ACOT7: variants seen among roughly 807,000 people sequenced by gnomAD.
ACOT7 encodes cytosolic acyl coenzyme A thioester hydrolase.
ACOT7 carries 12 observed loss-of-function variants against 40.2 expected under a neutral mutation model. The ratio of observed to expected loss-of-function variants is 0.30; its 90% CI spans 0.19 to 0.48. The LOEUF (loss-of-function observed/expected upper bound fraction) is 0.48. Ranked by LOEUF, ACOT7 falls within the 20% of genes least tolerant of loss-of-function variation. ACOT7 has a pLI of 0.99. For missense variants in ACOT7, 395 were observed against 530.8 expected (o/e 0.74, Z 2.51); for synonymous variants, 228 against 219.5 (o/e 1.04, Z -0.34).
chr1:6,280,114 C>T (rs1383646127), intron 8 of ACOT7, among the ~76,000 whole-genome samples: 2 of 152,220 alleles, frequency 1.3e-5, no homozygotes, highest in Non-Finnish European at 2.9e-5. Context: ...GGCCGTGGTG[C>T]CTGCCTGGCC....
chr1:6,358,353 C>T lies in ACOT7; in HGVS notation c.144-8487G>A, dbSNP rs1450379026. 2.6e-5 allele frequency among the ~76,000 whole-genome samples: 4 copies of T among 152,152 alleles called. No homozygotes were observed. The highest frequency in any genetic ancestry group is 7.2e-5 in the African/African-American group (3 of 41,438). ...AAGAGGCCAACAATGGCCCTGAGCT[C>T]CCAGCCTCCATTTTGGCCAGGGGCA... On this transcript the variant is annotated intron_variant, in intron 1 of 8. Transcript: ENST00000361521. The surrounding 1 kb of genome is among the most constrained non-coding windows in gnomAD (Gnocchi z 4.1).
intron 7 of ACOT7, among the ~76,000 whole-genome samples, chr1:6,284,856 C>T (rs933726224): frequency 5.9e-5 from 9 of 152,248 alleles, no homozygotes; most frequent in Non-Finnish European, 1.3e-4. Context: ...AAGCTCCTGG[C>T]CCCCGTGGTC....
chr1:6,335,981 A>G (rs1641090031), intron 3 of ACOT7, among the ~76,000 whole-genome samples: 1 of 152,206 alleles, frequency 6.6e-6, no homozygotes, highest in Non-Finnish European at 1.5e-5. Flanking sequence ...CATGGAGCAA[A>G]TGAGGCAAAC....
intron 3 of ACOT7, among the ~76,000 whole-genome samples, 184 bp downstream of exon 3, chr1:6,339,249 C>T (rs1225967111): frequency 6.6e-6 from 1 of 152,204 alleles, no homozygotes; most frequent in Non-Finnish European, 1.5e-5. Flanking sequence ...CCTCTGTGCC[C>T]CTTTCCTGTC....
chr1:6,385,798 GCTC>G, intron 1 of ACOT7: 1 of 1,429,080 alleles, frequency 7.0e-7, no homozygotes, highest in South Asian at 1.5e-5. Context: ...CCAGGCTCCT[GCTC>G]CTCCTAGGAC....
At position 6,301,925 on chromosome 1, in the gene ACOT7, C is replaced by T. The variant is rs1019131965; in HGVS notation, c.713-6945G>A. On this transcript the variant is annotated intron_variant, in intron 6 of 8. Coordinates refer to ENST00000361521, the MANE Select transcript of ACOT7 (RefSeq NM_007274.4). This position sits in a 1 kb window ranked among gnomAD's most constrained non-coding sequence, Gnocchi z 4.1. ...ACACACGCACCGGCCTGGGAAACCA[C>T]GCAGAGTTTAGATCAGCGGCAGACC... Among the ~76,000 whole-genome samples, 1 of 152,198 alleles carries T rather than the reference C, an allele frequency of 6.6e-6. No individual in the cohort carries two copies. The highest frequency in any genetic ancestry group is 1.5e-5 in the Non-Finnish European group (1 of 68,042).
chr1:6,382,069 C>T (rs1375209671), intron 1 of ACOT7, among the ~76,000 whole-genome samples: 6 of 147,896 alleles, frequency 4.1e-5, no homozygotes, highest in African/African-American at 1.3e-4. Flanking sequence ...ACCCGGGAGG[C>T]GGAGCTTGCA....
Position 6,302,709 on chromosome 1 carries a change from C to T in ACOT7, c.713-7729G>A, listed in dbSNP as rs563888744. Among the ~76,000 whole-genome samples the T allele has an allele frequency of 4.6e-5, 7 of 152,116 alleles. No homozygotes were observed. The East Asian group carries it at 5.8e-4, about 13-fold the overall frequency. ...CTGTTGATCACAAGCCCTCTCCTAC[C>T]GGCGAGACACAACCCTGGGCATCCT... On this transcript the variant is annotated intron_variant, in intron 6 of 8. Coordinates refer to ENST00000361521, the MANE Select transcript of ACOT7 (RefSeq NM_007274.4).
intron 6 of ACOT7, among the ~76,000 whole-genome samples, chr1:6,314,780 TC>T (rs1640435723): frequency 6.6e-6 from 1 of 151,622 alleles, no homozygotes; most frequent in Non-Finnish European, 1.5e-5. Flanking sequence ...CCAACCCTCC[TC>T]CCGCATGGGA....
intron 1 of ACOT7, among the ~76,000 whole-genome samples, 162 bp downstream of exon 1, chr1:6,393,095 C>CCGGCCGGGCGGG (rs1378216577): frequency 5.3e-5 from 8 of 150,726 alleles, no homozygotes; most frequent in African/African-American, 1.9e-4. Flanking sequence ...GAGTCGCATC[C>CCGGCCGGGCGGG]CGGCCGGGCG....
At chr1:6,349,333 T>C (rs1641521126) in intron 2 of ACOT7, among the ~76,000 whole-genome samples, 3 of 152,208 alleles carry the variant, frequency 2.0e-5, no homozygotes, top group Non-Finnish European at 2.9e-5. Context: ...TATGGTGCCA[T>C]GGCCACCAGG....
chr1:6,335,500 T>C (rs978954776), intron 3 of ACOT7, among the ~76,000 whole-genome samples: 3 of 151,734 alleles, frequency 2.0e-5, no homozygotes, highest in Non-Finnish European at 4.4e-5. Flanking sequence ...CTTAAAAAAA[T>C]AAATAAAAGT....
At chr1:6,318,411 G>T in intron 6 of ACOT7, 81 bp downstream of exon 6, 1 of 1,453,576 alleles carries the variant, frequency 6.9e-7, no homozygotes, top group African/African-American at 1.4e-5. Flanking sequence ...CCTCAAGTGT[G>T]TCAGACAGCA....
chr1:6,342,222 G>A (rs951544181), intron 2 of ACOT7, among the ~76,000 whole-genome samples: 1 of 152,160 alleles, frequency 6.6e-6, no homozygotes, highest in Non-Finnish European at 1.5e-5. Flanking sequence ...GTGTCCTCAC[G>A]TGGTGGCCGG....
chr1:6,327,272 C>G, intron 5 of ACOT7, 27 bp downstream of exon 5: 1 of 1,611,378 alleles, frequency 6.2e-7, no homozygotes, highest in Non-Finnish European at 8.5e-7. Context: ...AGGAGTGGCA[C>G]CTGCTGCTGG....
In ACOT7 at chr1:6,311,559, G is replaced by A. The variant is rs772469608; in HGVS notation, c.712+6933C>T. ...GGTATCTCAACTCCCTCCGTCCCCA[G>A]CTATTGGGGTCTCTTGTGGTATAAT... On this transcript the variant is annotated intron_variant, in intron 6 of 8. Transcript: ENST00000361521. This position sits in a 1 kb window ranked among gnomAD's most constrained non-coding sequence, Gnocchi z 5.2. Among the ~76,000 whole-genome samples, 1 of 152,172 alleles carries A rather than the reference G, an allele frequency of 6.6e-6. No individual in the cohort carries two copies. Among genetic ancestry groups the A allele is most frequent in the Non-Finnish European group, 1.5e-5 (1 of 68,026 alleles).
At chr1:6,337,806 C>A (rs1232073551) in intron 3 of ACOT7, among the ~76,000 whole-genome samples, 1 of 152,044 alleles carries the variant, frequency 6.6e-6, no homozygotes, top group East Asian at 1.9e-4. Context: ...GAAACCCTGT[C>A]TTTACTAAAA....
chr1:6,339,911 C>T lies in ACOT7; in HGVS notation c.262-322G>A, dbSNP rs940849372. Among the ~76,000 whole-genome samples, 4 of 141,084 alleles carry T rather than the reference C, an allele frequency of 2.8e-5. 1 individual carries two copies. The South Asian group carries it at 8.8e-4, about 31-fold the overall frequency. 92.6% of individuals were successfully genotyped at this position (141,084 alleles called of 152,430 possible). A position where few individuals can be genotyped will look rare whatever the true frequency, so the allele number is the denominator to read the frequency against. ...CCCGCTGGGACTACAGCGGGCCTTC[C>T]GAGTAGCTGGGACTACAGCCACCAC... On this transcript the variant is annotated intron_variant, in intron 2 of 8. Transcript: ENST00000361521.
chr1:6,294,769 A>G lies in ACOT7; in HGVS notation c.829+95T>C, dbSNP rs1639765020. ...GGCAGATGGGCACACACCAAGGCCC[A>G]CATGACCCTGGGTGTGAACAGAAAA... On this transcript the variant is annotated intron_variant, in intron 7 of 8. Coordinates refer to ENST00000361521, the MANE Select transcript of ACOT7 (RefSeq NM_007274.4). The surrounding 1 kb of genome is among the most constrained non-coding windows in gnomAD (Gnocchi z 4.6). The G allele has an allele frequency of 1.1e-6, 1 of 946,762 alleles. No homozygotes were observed. The highest frequency in any genetic ancestry group is 2.4e-5 in the East Asian group (1 of 41,194). The allele number at this position is 946,762 out of a possible 1,614,324, so 58.6% of individuals were successfully genotyped here.
Sources: gnomAD v4.1 joint callset for allele counts (sites outside exome capture counted in the v4.1 genomes callset) on GRCh38, gnomAD v4.1.1 for gene constraint, Gnocchi (gnomAD v3.1) non-coding constraint, MANE v1.5 for transcripts, NCBI Gene and HGNC (gene_info 2026-07-23, HGNC 2026-07-21) for gene names.